OTOA: variants seen among roughly 807,000 people sequenced by gnomAD.
OTOA encodes otoancorin.
OTOA carries 70 observed loss-of-function variants against 110.8 expected under a neutral mutation model. That is an observed-to-expected ratio of 0.63 (90% CI 0.52 to 0.77). The LOEUF (loss-of-function observed/expected upper bound fraction) is 0.77. OTOA is among the 30% of genes least tolerant of loss of function. The pLI, the probability that OTOA is intolerant of heterozygous loss-of-function variation, is 0.00. For missense variants in OTOA, 917 were observed against 1,075.8 expected (o/e 0.85, Z 2.06); for synonymous variants, 373 against 431.5 (o/e 0.86, Z 1.68).
rs140581470 is a variant in OTOA, at chr16:21,716,514, C to T, written c.1489-393C>T. Among the ~76,000 whole-genome samples the T allele has an allele frequency of 2.1e-3, 315 of 151,944 alleles. 2 individuals are homozygous for T. Among genetic ancestry groups the T allele is most frequent in the African/African-American group, 7.3e-3 (302 of 41,458 alleles). Reference sequence around the variant, plus strand: ...TGAACCCAGGAGGCGGAGACTGCAGCGAGCCAATATCATGCCACTGAATTC... The same window carrying T: ...TGAACCCAGGAGGCGGAGACTGCAGTGAGCCAATATCATGCCACTGAATTC... On this transcript the variant is annotated intron_variant, in intron 14 of 28. Coordinates refer to ENST00000646100, the MANE Select transcript of OTOA (RefSeq NM_144672.4).
At chr16:21,687,366 T>C (rs1897736758) in intron 7 of OTOA, 47 bp from the exon 8 acceptor site, 1 of 1,542,662 alleles carries the variant, frequency 6.5e-7, no homozygotes, top group African/African-American at 1.4e-5. Flanking sequence ...GGCTTCCAAA[T>C]TGAGAGGCAG....
In OTOA at chr16:21,710,094, C is replaced by T; in HGVS notation, c.1311C>T (p.Ala437=). ...QVIILSAKYL[A]HEKVLSFYNV... ...TCATCTTGTCTGCCAAATACTTGGC[C>T]CATGAGAAGGTCAGCTGGAGTTTTA... Residue 437 remains alanine (A), a synonymous_variant, in exon 13 of 29, where the codon GCC becomes GCT. Coordinates refer to ENST00000646100, the MANE Select transcript of OTOA (RefSeq NM_144672.4). 6.2e-7 allele frequency: 1 copy of T among 1,612,464 alleles called. No homozygotes were observed. Among genetic ancestry groups the T allele is most frequent in the Non-Finnish European group, 8.5e-7 (1 of 1,179,258 alleles).
At chr16:21,678,704 T>C in intron 2 of OTOA, 99 bp downstream of exon 2, 1 of 1,244,866 alleles carries the variant, frequency 8.0e-7, no homozygotes, top group Non-Finnish European at 1.2e-6. Context: ...AAGTTGTTTT[T>C]GGGCTGTGTG....
chr16:21,702,147 G>A (rs907199824), intron 11 of OTOA, among the ~76,000 whole-genome samples: 4 of 151,824 alleles, frequency 2.6e-5, no homozygotes, highest in Non-Finnish European at 5.9e-5. Context: ...ACTGGGTTTC[G>A]CCATGTTGGC....
At chr16:21,679,244 G>A (rs1264949175) in intron 5 of OTOA, 33 bp downstream of exon 5, 1 of 1,604,202 alleles carries the variant, frequency 6.2e-7, no homozygotes, top group Admixed American at 1.7e-5. Context: ...GGAAGGGATG[G>A]TATAGATTTT....
intron 22 of OTOA, among the ~76,000 whole-genome samples, chr16:21,737,977 T>C (rs1316236087): frequency 3.9e-5 from 6 of 152,306 alleles, no homozygotes; most frequent in Admixed American, 3.3e-4. Flanking sequence ...ATTTTGTAAA[T>C]AAAGAGCTTA....
intron 10 of OTOA, among the ~76,000 whole-genome samples, chr16:21,699,285 T>G (rs967180844): frequency 4.6e-5 from 7 of 152,068 alleles, no homozygotes; most frequent in Non-Finnish European, 8.8e-5. Flanking sequence ...AAGAGTACGA[T>G]CCACAAAGGA....
At chr16:21,717,854 G>A (rs1408965453) in intron 15 of OTOA, among the ~76,000 whole-genome samples, 1 of 152,146 alleles carries the variant, frequency 6.6e-6, no homozygotes, top group African/African-American at 2.4e-5. Context: ...TGTTCCAGGC[G>A]CTCTTGCTCA....
rs79596787 is a variant in OTOA at position 21,674,642 on chromosome 16, G to GT, written c.-4-3856dup. ...ATTCACTGCGCCTGGCTTCATTATG[G>GT]TTTTTTTTTTTTTATTTTAGCCATC... is the stretch of plus-strand genomic sequence containing the variant. On this transcript the variant is annotated intron_variant, in intron 1 of 28. Coordinates refer to ENST00000646100, the MANE Select transcript of OTOA (RefSeq NM_144672.4). Among the ~76,000 whole-genome samples, 213 of 145,062 alleles carry GT rather than the reference G, an allele frequency of 1.5e-3. 3 individuals are homozygous for GT. Among genetic ancestry groups the GT allele is most frequent in the Admixed American group, 2.5e-3 (36 of 14,476 alleles).
At position 21,705,542 on chromosome 16, in the gene OTOA, G is replaced by T. The variant is rs149666536; in HGVS notation, c.1104+250G>T. On this transcript the variant is annotated intron_variant, in intron 12 of 28. Coordinates refer to ENST00000646100, the MANE Select transcript of OTOA (RefSeq NM_144672.4). ...AAAGCTGTCTCAGCCAGGCGCGGTG[G>T]CTCATGCCTGTAATCCCAGCACTTT... The T allele has an allele frequency of 1.0e-4, 54 of 530,920 alleles. No individual in the cohort carries two copies. The East Asian group carries it at 2.0e-3, about 20-fold the overall frequency. 32.9% of individuals were successfully genotyped at this position (530,920 alleles called of 1,614,324 possible).
At chr16:21,724,130 G>A (rs1335458517) in intron 18 of OTOA, among the ~76,000 whole-genome samples, 3 of 152,132 alleles carry the variant, frequency 2.0e-5, no homozygotes, top group Admixed American at 2.0e-4. Context: ...ACATGTTTGG[G>A]GGAAGATGTT....
intron 9 of OTOA, among the ~76,000 whole-genome samples, chr16:21,697,037 C>CTTTTTTTTT (rs56124254): frequency 2.6e-4 from 17 of 65,050 alleles, no homozygotes; most frequent in Non-Finnish European, 3.4e-4. Flanking sequence ...CTACAGCTGG[C>CTTTTTTTTT]TTTTTTTTTT....
chr16:21,667,448 A>G (rs1279562538), intron 1 of OTOA, among the ~76,000 whole-genome samples: 1 of 151,998 alleles, frequency 6.6e-6, no homozygotes, highest in East Asian at 1.9e-4. Flanking sequence ...AGATCAGGAG[A>G]TCGAGACCAT....
intron 17 of OTOA, chr16:21,721,416 G>A (rs1173017653): frequency 6.6e-6 from 3 of 455,498 alleles, no homozygotes; most frequent in African/African-American, 2.0e-5. Context: ...CCGGAGCAGA[G>A]CTACTGGCCT....
intron 9 of OTOA, among the ~76,000 whole-genome samples, chr16:21,695,669 A>G (rs1445677900): frequency 6.6e-6 from 1 of 151,556 alleles, no homozygotes; most frequent in Non-Finnish European, 1.5e-5. Flanking sequence ...TTGTTTTGGC[A>G]TCTGTCATTG....
chr16:21,679,534 A>G (rs1302538517), intron 5 of OTOA, among the ~76,000 whole-genome samples: 1 of 151,950 alleles, frequency 6.6e-6, no homozygotes, highest in Non-Finnish European at 1.5e-5. Flanking sequence ...CCTCCTGAGT[A>G]GCTGGGGTAA....
chr16:21,727,764 C>A (rs1165174117), intron 19 of OTOA, among the ~76,000 whole-genome samples: 2 of 152,104 alleles, frequency 1.3e-5, no homozygotes, highest in African/African-American at 4.8e-5. Context: ...CTGAGGCCTG[C>A]ATCCCTGGGG....
rs775834620 is a variant in OTOA at position 21,728,434 on chromosome 16, G to A, written c.2207+3G>A. ...CTCAAGCTCCTGGGACAGTATGGGT[G>A]AGGAGCGGCTGGGTTTGGCTTTTGG... On this transcript the variant is annotated splice_donor_region_variant and intron_variant, in intron 20 of 28. Transcript: ENST00000646100. 9 of 1,613,612 alleles carry A rather than the reference G, an allele frequency of 5.6e-6. No homozygotes were observed. Among genetic ancestry groups the A allele is most frequent in the Admixed American group, 1.7e-5 (1 of 59,986 alleles).
intron 18 of OTOA, 24 bp downstream of exon 18, chr16:21,723,002 T>A (rs746015599): frequency 1.2e-6 from 2 of 1,610,378 alleles, no homozygotes; most frequent in South Asian, 2.2e-5. Flanking sequence ...AGCCCCCACC[T>A]TCTGGCTCAT....
Sources: allele counts gnomAD v4.1 joint callset (sites outside exome capture counted in the v4.1 genomes callset), GRCh38; gene constraint gnomAD v4.1.1; transcripts MANE v1.5; gene names NCBI Gene and HGNC (gene_info 2026-07-23, HGNC 2026-07-21).